GRM8: variants seen among roughly 807,000 people sequenced by gnomAD.
GRM8 encodes metabotropic glutamate receptor 8.
A neutral mutation model predicts 87.2 loss-of-function variants in GRM8; 47 were observed. The ratio of observed to expected loss-of-function variants is 0.54; its 90% CI spans 0.43 to 0.69. GRM8 has a LOEUF of 0.69. Among genes scored for constraint, GRM8 ranks in the 30% least tolerant of loss-of-function variants. The probability of loss-of-function intolerance (pLI) is 0.00; values close to 1 mark genes in which losing one functional copy is unlikely to be tolerated. For synonymous variants in GRM8, 396 were observed against 404.5 expected (o/e 0.98, Z 0.25); for missense variants, 1,019 against 1,139.2 (o/e 0.89, Z 1.52).
chr7:127,116,741 A>G (rs978387581), intron 2 of GRM8, among the ~76,000 whole-genome samples: 73 of 152,210 alleles, frequency 4.8e-4, no homozygotes, highest in Non-Finnish European at 1.0e-4. Flanking sequence ...TATACTACCC[A>G]ATTTGCAGAA....
chr7:126,580,526 G>A (rs1795511865), intron 8 of GRM8, among the ~76,000 whole-genome samples: 1 of 151,930 alleles, frequency 6.6e-6, no homozygotes, highest in Non-Finnish European at 1.5e-5. Flanking sequence ...CCATCTCCTG[G>A]TCTCCCATAT....
At chr7:127,118,119 T>C (rs936283993) in intron 2 of GRM8, 1 of 152,226 alleles carries the variant, frequency 6.6e-6, no homozygotes, top group African/African-American at 2.4e-5. Flanking sequence ...CTAATAGCAC[T>C]GGAAATTCTC....
At chr7:126,772,886 G>C (rs7778713) in intron 6 of GRM8, among the ~76,000 whole-genome samples, 3,385 of 152,186 alleles carry the variant, frequency 0.022, 134 homozygotes, top group African/African-American at 0.077. Flanking sequence ...TCTCAGGATA[G>C]AGTTCAGTTT....
intron 6 of GRM8, among the ~76,000 whole-genome samples, chr7:126,858,594 C>T (rs1002252772): frequency 6.6e-6 from 1 of 152,156 alleles, no homozygotes; most frequent in African/African-American, 2.4e-5. Context: ...ACCAATTTCC[C>T]AAACAGGCCA....
intron 9 of GRM8, among the ~76,000 whole-genome samples, chr7:126,448,230 T>A (rs922215255): frequency 2.0e-5 from 3 of 151,910 alleles, no homozygotes; most frequent in Non-Finnish European, 2.9e-5. Context: ...TCAGACTCTT[T>A]CAAGTCAATT....
intron 7 of GRM8, among the ~76,000 whole-genome samples, chr7:126,726,309 C>A (rs1812968058): frequency 6.6e-6 from 1 of 151,626 alleles, no homozygotes; most frequent in African/African-American, 2.4e-5. Context: ...GCAGGCAAGC[C>A]CCTACTTCAG....
chr7:127,100,130 G>C (rs1295694535), intron 3 of GRM8, among the ~76,000 whole-genome samples: 1 of 152,098 alleles, frequency 6.6e-6, no homozygotes, highest in Non-Finnish European at 1.5e-5. Context: ...TTTATTTCTA[G>C]TCTCCAGAAC....
At chr7:126,485,283 TA>T (rs11335409) in intron 9 of GRM8, among the ~76,000 whole-genome samples, 93,404 of 150,882 alleles carry the variant, frequency 0.62, 29,625 homozygotes, top group African/African-American at 0.77. Flanking sequence ...GGAGTTCAGC[TA>T]ACAGTTTCCC....
intron 6 of GRM8, among the ~76,000 whole-genome samples, chr7:126,856,799 A>T (rs1447559853): frequency 1.3e-5 from 2 of 152,204 alleles, no homozygotes; most frequent in Admixed American, 1.3e-4. Flanking sequence ...AATTCTTGTT[A>T]TGGGGAATAC....
chr7:126,783,117 A>G (rs1820261024), intron 6 of GRM8, among the ~76,000 whole-genome samples: 2 of 152,224 alleles, frequency 1.3e-5, no homozygotes, highest in Non-Finnish European at 2.9e-5. Context: ...TGTTTAATGA[A>G]TAAGCAGGAT....
At chr7:126,776,507 T>C (rs1358971908) in intron 6 of GRM8, among the ~76,000 whole-genome samples, 1 of 152,200 alleles carries the variant, frequency 6.6e-6, no homozygotes, top group African/African-American at 2.4e-5. Context: ...GTGCTATTTA[T>C]TATATCCTCT....
intron 2 of GRM8, among the ~76,000 whole-genome samples, chr7:127,225,617 C>T (rs1010562869): frequency 4.0e-5 from 6 of 150,490 alleles, no homozygotes; most frequent in Admixed American, 2.7e-4. Flanking sequence ...AATCAGTCAG[C>T]GTTGGTAAAC....
intron 3 of GRM8, among the ~76,000 whole-genome samples, chr7:126,957,101 G>A (rs1808774634): frequency 6.6e-6 from 1 of 152,094 alleles, no homozygotes; most frequent in African/African-American, 2.4e-5. Context: ...TACTACACTG[G>A]TACAGACATA....
At chr7:126,959,627 C>T (rs1401282350) in intron 3 of GRM8, among the ~76,000 whole-genome samples, 1 of 152,156 alleles carries the variant, frequency 6.6e-6, no homozygotes, top group African/African-American at 2.4e-5. Flanking sequence ...ATCTAAAACT[C>T]ACCTGCAAAA....
intron 5 of GRM8, among the ~76,000 whole-genome samples, chr7:126,902,963 C>T (rs1802249601): frequency 6.6e-6 from 1 of 152,164 alleles, no homozygotes; most frequent in Non-Finnish European, 1.5e-5. Context: ...AAACCCTCTC[C>T]TACTCTACTA....
At chr7:126,517,545 A>G (rs1014592853) in intron 9 of GRM8, among the ~76,000 whole-genome samples, 2 of 152,104 alleles carry the variant, frequency 1.3e-5, no homozygotes, top group African/African-American at 4.8e-5. Flanking sequence ...CCTCCATGCA[A>G]TTAAACTGAA....
At chr7:126,900,399 GGTT>G (rs1340899732) in intron 6 of GRM8, among the ~76,000 whole-genome samples, 1 of 152,150 alleles carries the variant, frequency 6.6e-6, no homozygotes, top group Admixed American at 6.5e-5. Flanking sequence ...CCACTCAGCT[GGTT>G]GTTATATAAA....
At chr7:126,855,791 T>G (rs562653574) in intron 6 of GRM8, among the ~76,000 whole-genome samples, 3 of 152,120 alleles carry the variant, frequency 2.0e-5, no homozygotes, top group Non-Finnish European at 4.4e-5. Context: ...TGATTTTTTA[T>G]ATCCCACACT....
At chr7:126,579,271 T>C (rs1201850921) in intron 8 of GRM8, among the ~76,000 whole-genome samples, 1 of 152,210 alleles carries the variant, frequency 6.6e-6, no homozygotes, top group African/African-American at 2.4e-5. Context: ...GTTCTTTTCA[T>C]GTGACTTTTT....
Sources: gnomAD v4.1 joint callset for allele counts (sites outside exome capture counted in the v4.1 genomes callset) on GRCh38, gnomAD v4.1.1 for gene constraint, MANE v1.5 for transcripts, NCBI Gene and HGNC (gene_info 2026-07-23, HGNC 2026-07-21) for gene names.